THSD4: variants seen among roughly 807,000 people sequenced by gnomAD.
THSD4 encodes the protein thrombospondin type-1 domain-containing protein 4.
THSD4 carries 69 observed loss-of-function variants against 119.0 expected under a neutral mutation model. The ratio of observed to expected loss-of-function variants is 0.58; its 90% CI spans 0.48 to 0.71. The LOEUF is 0.71. THSD4 is among the 30% of genes least tolerant of loss of function. The probability of loss-of-function intolerance (pLI) is 0.00; values close to 1 mark genes in which losing one functional copy is unlikely to be tolerated. For missense variants in THSD4, 1,393 were observed against 1,391.1 expected, an observed-to-expected ratio of 1.00 and a Z score of -0.02; for synonymous variants, 524 against 540.4, an observed-to-expected ratio of 0.97 and a Z score of 0.42.
intron 7 of THSD4, among the ~76,000 whole-genome samples, chr15:71,564,960 C>G (rs1052464031): frequency 6.6e-6 from 1 of 151,906 alleles, no homozygotes; most frequent in African/African-American, 2.4e-5. Context: ...ATAAGGAAGA[C>G]TATCAATAGT....
intron 7 of THSD4, among the ~76,000 whole-genome samples, chr15:71,423,880 G>T (rs6494923): frequency 0.37 from 56,788 of 151,976 alleles, 11,044 homozygotes; most frequent in East Asian, 0.63. Context: ...AGTGCCCTTT[G>T]AACTAGGCCT....
intron 7 of THSD4, among the ~76,000 whole-genome samples, chr15:71,523,262 C>T (rs917876674): frequency 6.6e-6 from 1 of 152,216 alleles, no homozygotes; most frequent in South Asian, 2.1e-4. Context: ...AAGGGAGACT[C>T]AATCCTGGCC....
chr15:71,133,018 A>G (rs2040517862), intron 1 of THSD4, among the ~76,000 whole-genome samples: 1 of 152,234 alleles, frequency 6.6e-6, no homozygotes, highest in Admixed American at 6.5e-5. Flanking sequence ...TCTCGGAGAA[A>G]GGGCAGCACA....
Position 71,731,177 on chromosome 15 carries a change from C to A in THSD4, c.1590C>A (p.Thr530=). 1 of 1,614,172 alleles carries A rather than the reference C, an allele frequency of 6.2e-7. No homozygotes were observed. Among genetic ancestry groups the A allele is most frequent in the Non-Finnish European group, 8.5e-7 (1 of 1,180,018 alleles). ...GVHYEYVIMG[T]NAISPQVPPH... Reference sequence around the variant, plus strand: ...ACTACGAGTACGTGATCATGGGGACCAACGCCATCAGCCCCCAGGTGCCAC... The same window carrying A: ...ACTACGAGTACGTGATCATGGGGACAAACGCCATCAGCCCCCAGGTGCCAC... Residue 530 remains threonine, a synonymous_variant, in exon 10 of 18, where the codon ACC becomes ACA. Coordinates refer to ENST00000261862, the MANE Select transcript of THSD4 (RefSeq NM_024817.3).
chr15:71,662,102 G>T (rs1318144106), intron 8 of THSD4, among the ~76,000 whole-genome samples: 1 of 152,178 alleles, frequency 6.6e-6, no homozygotes, highest in African/African-American at 2.4e-5. Flanking sequence ...GTGTGCCACT[G>T]GCCGTGCAGC....
chr15:71,684,160 G>A (rs1442169345), intron 8 of THSD4, among the ~76,000 whole-genome samples: 1 of 152,106 alleles, frequency 6.6e-6, no homozygotes, highest in African/African-American at 2.4e-5. Context: ...AATGGAATCT[G>A]TTCCTTTTTA....
intron 4 of THSD4, among the ~76,000 whole-genome samples, chr15:71,231,665 C>T (rs560071649): frequency 2.6e-5 from 4 of 152,262 alleles, no homozygotes; most frequent in South Asian, 2.1e-4. Context: ...CCTTTAAACT[C>T]GGGTCTTCAG....
At chr15:71,469,803 C>T (rs1345433575) in intron 7 of THSD4, among the ~76,000 whole-genome samples, 1 of 152,122 alleles carries the variant, frequency 6.6e-6, no homozygotes, top group Non-Finnish European at 1.5e-5. Flanking sequence ...ATATAGCAGG[C>T]CTTCTATCAA....
At chr15:71,408,441 C>T (rs898761222) in intron 6 of THSD4, among the ~76,000 whole-genome samples, 2 of 152,058 alleles carry the variant, frequency 1.3e-5, no homozygotes, top group African/African-American at 2.4e-5. Flanking sequence ...TTATGTTGCC[C>T]AGGCTGGTCT....
At chr15:71,473,824 G>C (rs1357430063) in intron 7 of THSD4, among the ~76,000 whole-genome samples, 1 of 152,230 alleles carries the variant, frequency 6.6e-6, no homozygotes, top group Non-Finnish European at 1.5e-5. Context: ...TCAGTGGAAG[G>C]TTCTCACCAG....
At chr15:71,547,309 G>T (rs773797994) in intron 7 of THSD4, 8 of 1,524,078 alleles carry the variant, frequency 5.2e-6, no homozygotes, top group Non-Finnish European at 7.1e-6. Flanking sequence ...GGTGCCTAGC[G>T]GAACTCCAGG....
rs564638416 is a variant in THSD4, at chr15:71,662,326, G to A, written c.1357+1592G>A. On this transcript the variant is annotated intron_variant, in intron 8 of 17. Coordinates refer to ENST00000261862, the MANE Select transcript of THSD4 (RefSeq NM_024817.3). ...AGACAAACCCAATCAAAGAAAAACT[G>A]TTCAATTTGCTTTGACAAAACCCAG... 5.9e-5 allele frequency among the ~76,000 whole-genome samples: 9 copies of A among 152,198 alleles called. No homozygotes were observed. The South Asian group carries it at 1.9e-3, about 31-fold the overall frequency.
At chr15:71,479,142 T>G (rs1207137058) in intron 7 of THSD4, among the ~76,000 whole-genome samples, 5 of 148,568 alleles carry the variant, frequency 3.4e-5, no homozygotes, top group Non-Finnish European at 7.4e-5. Context: ...GCTGATCACT[T>G]GTTCACTGGT....
intron 6 of THSD4, among the ~76,000 whole-genome samples, chr15:71,394,141 G>T (rs774520271): frequency 1.3e-4 from 20 of 150,662 alleles, no homozygotes; most frequent in Non-Finnish European, 2.5e-4. Context: ...GCATATCTGA[G>T]ATATTTAACT....
intron 7 of THSD4, among the ~76,000 whole-genome samples, chr15:71,646,380 C>T (rs2050968742): frequency 6.6e-6 from 1 of 152,122 alleles, no homozygotes; most frequent in African/African-American, 2.4e-5. Flanking sequence ...TCTCTTTTAA[C>T]CAGAGTTTGT....
intron 3 of THSD4, among the ~76,000 whole-genome samples, chr15:71,198,507 G>T (rs947072172): frequency 2.0e-5 from 3 of 152,218 alleles, no homozygotes; most frequent in African/African-American, 7.2e-5. Context: ...ACCTTCAGGG[G>T]TCACCCATTC....
At chr15:71,128,290 G>T (rs1430773520) in intron 1 of THSD4, among the ~76,000 whole-genome samples, 3 of 152,048 alleles carry the variant, frequency 2.0e-5, no homozygotes, top group Non-Finnish European at 4.4e-5. Flanking sequence ...ACTTTGGGAG[G>T]CCGAGGTGGG....
chr15:71,459,372 G>GTCTCTCTCTC (rs1227905954), intron 7 of THSD4, among the ~76,000 whole-genome samples: 6 of 100,054 alleles, frequency 6.0e-5, no homozygotes, highest in African/African-American at 1.8e-4. Context: ...CTGTCTCTCT[G>GTCTCTCTCTC]TCTCTCTGTC....
At chr15:71,461,845 A>T (rs983250217) in intron 7 of THSD4, among the ~76,000 whole-genome samples, 2 of 151,662 alleles carry the variant, frequency 1.3e-5, no homozygotes, top group Admixed American at 1.3e-4. Context: ...TTAAACAAAT[A>T]GATCAAAACT....
Sources: allele counts gnomAD v4.1 joint callset (sites outside exome capture counted in the v4.1 genomes callset), GRCh38; gene constraint gnomAD v4.1.1; transcripts MANE v1.5; gene names NCBI Gene and HGNC (gene_info 2026-07-23, HGNC 2026-07-21).